The following ARMC9 variants were observed in gnomAD, a reference collection of about 807,000 sequenced individuals.
The protein encoded by ARMC9 is armadillo repeat containing 9, also known as lisH domain-containing protein ARMC9.
ARMC9 carries 94 observed loss-of-function variants against 107.0 expected under a neutral mutation model. The observed-to-expected ratio is 0.88, with a 90% CI of 0.74 to 1.04. The LOEUF (loss-of-function observed/expected upper bound fraction) is 1.04, where lower values mean the gene tolerates loss of function less well. Ranked by LOEUF, ARMC9 falls within the 50% of genes least tolerant of loss-of-function variation. ARMC9 has a pLI of 0.00. For synonymous variants in ARMC9, 380 were observed against 396.9 expected, an observed-to-expected ratio of 0.96 and a Z score of 0.51; for missense variants, 942 against 1,030.1, an observed-to-expected ratio of 0.91 and a Z score of 1.17.
Position 231,296,247 on chromosome 2 carries a change from T to C in ARMC9, c.1767T>C (p.Asp589=), listed in dbSNP as rs200267481. The change falls in exon 19 of 25, where the codon GAT becomes GAC. Residue 589 remains aspartate (D), a synonymous_variant. Coordinates refer to ENST00000611582, the MANE Select transcript of ARMC9 (RefSeq NM_001352754.2). ...AATCTGATGATGATGAAGATGAAGATGATGAAGTAAGTTGGAGGTTCTTGA... is the reference window on the plus strand; with the variant it reads ...AATCTGATGATGATGAAGATGAAGACGATGAAGTAAGTTGGAGGTTCTTGA... The part of the protein sequence containing the change: ...VLESDDDEDE[D]DEEDHDIMEA... 8 of 1,613,424 alleles carry C rather than the reference T, an allele frequency of 5.0e-6. No homozygotes were observed. The African/African-American group carries it at 9.3e-5, about 19-fold the overall frequency.
chr2:231,369,725 C>A (rs1348769225), intron 23 of ARMC9, among the ~76,000 whole-genome samples: 1 of 151,956 alleles, frequency 6.6e-6, no homozygotes, highest in African/African-American at 2.4e-5. Context: ...TCCTGAGGAG[C>A]TGGAATTACA....
intron 9 of ARMC9, among the ~76,000 whole-genome samples, chr2:231,253,295 A>G (rs1322569083): frequency 6.6e-6 from 1 of 151,796 alleles, no homozygotes; most frequent in Non-Finnish European, 1.5e-5. Flanking sequence ...TTGTATTTTT[A>G]GTAGAGATGG....
At chr2:231,254,847 C>T in intron 9 of ARMC9, among the ~76,000 whole-genome samples, 1 of 152,074 alleles carries the variant, frequency 6.6e-6, no homozygotes, top group South Asian at 2.1e-4. Flanking sequence ...CTTTCTTCTC[C>T]TCTACTTATT....
At chr2:231,207,457 GCCTATAC>G (rs1254857849) in intron 2 of ARMC9, among the ~76,000 whole-genome samples, 12 of 151,938 alleles carry the variant, frequency 7.9e-5, no homozygotes, top group African/African-American at 2.9e-4. Flanking sequence ...ATGCCACCTG[GCCTATAC>G]CATTTTTTCT....
At chr2:231,244,405 T>C (rs916623901) in intron 9 of ARMC9, among the ~76,000 whole-genome samples, 4 of 151,318 alleles carry the variant, frequency 2.6e-5, no homozygotes, top group South Asian at 4.2e-4. Flanking sequence ...CTCGCTCTGT[T>C]ACCCAGGCTG....
At chr2:231,300,868 G>T (rs115439999) in intron 19 of ARMC9, among the ~76,000 whole-genome samples, 1 of 152,120 alleles carries the variant, frequency 6.6e-6, no homozygotes, top group African/African-American at 2.4e-5. Context: ...GATGGCTGGC[G>T]TGGGGTAAAG....
At chr2:231,351,811 A>G (rs1208370471) in intron 21 of ARMC9, among the ~76,000 whole-genome samples, 1 of 152,146 alleles carries the variant, frequency 6.6e-6, no homozygotes, top group Non-Finnish European at 1.5e-5. Context: ...CAGTAAGTAC[A>G]TAAATATTCG....
rs2039947085 is a variant in ARMC9, at chr2:231,278,452, C to T, written c.1545C>T (p.Asn515=). The change falls in exon 16 of 25, where the codon AAC becomes AAT. Residue 515 remains asparagine, a synonymous_variant. Transcript: ENST00000611582. ...TTTCGGATCTTCTTGGCCATGAAAA[C>T]CATGAGGTACTCATTCAGCACTGCT... is the stretch of plus-strand genomic sequence containing the variant. ...KVLSDLLGHE[N]HEIQPYVNGA... The T allele has an allele frequency of 1.2e-6, 2 of 1,613,974 alleles. No homozygotes were observed. Among genetic ancestry groups the T allele is most frequent in the Non-Finnish European group, 1.7e-6 (2 of 1,180,002 alleles).
At chr2:231,270,384 T>C in intron 12 of ARMC9, 9 of 345,980 alleles carry the variant, frequency 2.6e-5, no homozygotes, top group South Asian at 1.8e-4. Flanking sequence ...CAAGTGCTTC[T>C]TGAACAACTT....
Position 231,359,730 on chromosome 2 carries a change from G to A in ARMC9, c.2132-1024G>A, listed in dbSNP as rs114119535. 7.7e-3 allele frequency among the ~76,000 whole-genome samples: 1,177 copies of A among 152,276 alleles called. 14 individuals carry two copies. Among genetic ancestry groups the A allele is most frequent in the African/African-American group, 0.027 (1,119 of 41,534 alleles). On this transcript the variant is annotated intron_variant, in intron 22 of 24. Transcript: ENST00000611582. ...CCTGGCCTTATTCTAAGCACACTGA[G>A]CATGTGCCTCCTGTCCTGAAGCTCT...
intron 8 of ARMC9, among the ~76,000 whole-genome samples, chr2:231,238,304 A>G (rs943129383): frequency 3.9e-5 from 6 of 152,206 alleles, no homozygotes; most frequent in African/African-American, 9.6e-5. Context: ...TAGGGAAGGA[A>G]TAAGTATAGA....
At chr2:231,354,570 C>T (rs1387894550) in intron 21 of ARMC9, among the ~76,000 whole-genome samples, 6 of 151,978 alleles carry the variant, frequency 3.9e-5, no homozygotes, top group Non-Finnish European at 8.8e-5. Context: ...TTAGTAGAGA[C>T]GGGGTTTCAC....
intron 12 of ARMC9, among the ~76,000 whole-genome samples, chr2:231,269,539 C>T (rs1445663299): frequency 6.6e-6 from 1 of 151,692 alleles, no homozygotes; most frequent in African/African-American, 2.4e-5. Flanking sequence ...GTGTGTGCCA[C>T]CACGCCTGGC....
rs182069939 is a variant in ARMC9, at chr2:231,246,618, G to A, written c.879+6577G>A. On this transcript the variant is annotated intron_variant, in intron 9 of 24. Transcript: ENST00000611582. Reference sequence around the variant, plus strand: ...TCCAGTTCACTGCTGATGGGCACCCGGATTGATTCCATGTCTTTGCTATTG... The same window carrying A: ...TCCAGTTCACTGCTGATGGGCACCCAGATTGATTCCATGTCTTTGCTATTG... Among the ~76,000 whole-genome samples, 929 of 152,208 alleles carry A rather than the reference G, an allele frequency of 6.1e-3. 10 individuals carry two copies. Among genetic ancestry groups the A allele is most frequent in the Non-Finnish European group, 8.6e-3 (583 of 68,012 alleles).
In ARMC9 at chr2:231,336,177, G is replaced by A. The variant is rs143719735; in HGVS notation, c.1878+4280G>A. Among the ~76,000 whole-genome samples, 181 of 150,854 alleles carry A rather than the reference G, an allele frequency of 1.2e-3. 1 individual carries two copies. The highest frequency in any genetic ancestry group is 4.2e-3 in the African/African-American group (172 of 41,134). ...AATAGCTCCATCACCTGGGTTAAAG[G>A]ATATAAACATTTATGACAGAATCAT... On this transcript the variant is annotated intron_variant, in intron 20 of 24. Coordinates refer to ENST00000611582, the MANE Select transcript of ARMC9 (RefSeq NM_001352754.2).
intron 9 of ARMC9, among the ~76,000 whole-genome samples, chr2:231,253,237 C>T (rs902849937): frequency 6.6e-6 from 1 of 152,006 alleles, no homozygotes; most frequent in Non-Finnish European, 1.5e-5. Flanking sequence ...CCTCAGCCTC[C>T]TGAGTAGCTG....
At chr2:231,291,547 G>A in intron 18 of ARMC9, 104 bp downstream of exon 18, 1 of 1,166,722 alleles carries the variant, frequency 8.6e-7, no homozygotes, top group South Asian at 1.3e-5. Context: ...GCCGGGCACG[G>A]TGGCTCGTGC....
At chr2:231,240,088 A>G (rs748792579) in intron 9 of ARMC9, 47 bp downstream of exon 9, 87 of 1,447,778 alleles carry the variant, frequency 6.0e-5, no homozygotes, top group Middle Eastern at 3.5e-4. Flanking sequence ...TATCCCCCCA[A>G]ATTTAAAAAG....
intron 20 of ARMC9, among the ~76,000 whole-genome samples, chr2:231,342,391 C>T (rs188462349): frequency 5.4e-4 from 83 of 152,322 alleles, no homozygotes; most frequent in African/African-American, 1.9e-3. Flanking sequence ...TTCTCGAATA[C>T]GTGACATGTT....
Sources: allele counts gnomAD v4.1 joint callset (sites outside exome capture counted in the v4.1 genomes callset), GRCh38; gene constraint gnomAD v4.1.1; transcripts MANE v1.5; gene names NCBI Gene and HGNC (gene_info 2026-07-23, HGNC 2026-07-21).